MSH4: variants seen among roughly 807,000 people sequenced by gnomAD.
MSH4 encodes mutS homolog 4.
Under a neutral mutation model 113.7 loss-of-function variants are expected in MSH4, and 106 were observed. The ratio of observed to expected loss-of-function variants is 0.93; its 90% CI spans 0.80 to 1.10. The LOEUF is 1.10. MSH4 is among the 50% of genes least tolerant of loss of function. The pLI is 0.00. For synonymous variants in MSH4, 368 were observed against 380.2 expected, an observed-to-expected ratio of 0.97 and a Z score of 0.37; for missense variants, 1,061 against 1,093.7, an observed-to-expected ratio of 0.97 and a Z score of 0.42.
chr1:75,892,982 C>T (rs538289972), intron 17 of MSH4, among the ~76,000 whole-genome samples: 2 of 152,264 alleles, frequency 1.3e-5, no homozygotes, highest in Admixed American at 1.3e-4. Flanking sequence ...CAAACAAGCA[C>T]ACCAGGGTTA....
In MSH4 at chr1:75,832,799, G is replaced by T. The variant is rs572211590; in HGVS notation, c.1162+10218G>T. Among the ~76,000 whole-genome samples, 229 of 152,106 alleles carry T rather than the reference G, an allele frequency of 1.5e-3. 1 individual carries two copies. Among genetic ancestry groups the T allele is most frequent in the Non-Finnish European group, 4.4e-4 (30 of 67,994 alleles). The stretch of plus-strand genomic sequence containing the variant: ...TGGAACGTATCTCAAAATAATAATA[G>T]CTATTTATGACACACCCACAGCCAA... On this transcript the variant is annotated intron_variant, in intron 7 of 19. Coordinates refer to ENST00000263187, the MANE Select transcript of MSH4 (RefSeq NM_002440.4).
Position 75,912,937 on chromosome 1 carries a change from A to AC in MSH4, c.*50_*51insC. ...TCTTAATTCAAGGAACCTAGAATTT[A>AC]TTTTTCTCCTTAGAGATAAGGAAAA... On this transcript the variant is annotated 3_prime_UTR_variant, in exon 20 of 20. Transcript: ENST00000263187. 8.3e-7 allele frequency: 1 copy of AC among 1,201,866 alleles called. No homozygotes were observed. Among genetic ancestry groups the AC allele is most frequent in the African/African-American group, 1.6e-5 (1 of 62,804 alleles). The allele number at this position is 1,201,866 out of a possible 1,614,324, so 74.5% of individuals were successfully genotyped here. A position where few individuals can be genotyped will look rare whatever the true frequency, so the allele number is the denominator to read the frequency against.
intron 8 of MSH4, among the ~76,000 whole-genome samples, chr1:75,865,829 A>G (rs927075088): frequency 6.6e-6 from 1 of 152,178 alleles, no homozygotes; most frequent in Non-Finnish European, 1.5e-5. Context: ...TTTACCTTTT[A>G]TACTTAGATA....
At chr1:75,879,437 A>C (rs1220101995) in intron 12 of MSH4, among the ~76,000 whole-genome samples, 1 of 152,216 alleles carries the variant, frequency 6.6e-6, no homozygotes, top group African/African-American at 2.4e-5. Context: ...TTGCCTGTTA[A>C]AGGTTTAAAA....
intron 3 of MSH4, among the ~76,000 whole-genome samples, chr1:75,808,491 C>T: frequency 6.6e-6 from 1 of 152,220 alleles, no homozygotes; most frequent in South Asian, 2.1e-4. Context: ...TTTAAAAATG[C>T]AAATCAATGT....
intron 7 of MSH4, among the ~76,000 whole-genome samples, chr1:75,823,645 G>A (rs1650479980): frequency 6.6e-6 from 1 of 152,054 alleles, no homozygotes; most frequent in Admixed American, 6.6e-5. Context: ...CCCACTGACA[G>A]GCCCCAGTGT....
At chr1:75,810,953 C>A (rs1298446735) in intron 4 of MSH4, 146 bp downstream of exon 4, 1 of 388,510 alleles carries the variant, frequency 2.6e-6, no homozygotes, top group East Asian at 4.7e-5. Context: ...CTTACTGCAA[C>A]CTCCAGCTCC....
chr1:75,896,167 C>G (rs1652374781), intron 17 of MSH4, among the ~76,000 whole-genome samples: 1 of 152,118 alleles, frequency 6.6e-6, no homozygotes, highest in Admixed American at 6.6e-5. Context: ...GACTAAATTG[C>G]CTTCAGACTC....
At chr1:75,896,455 A>AT (rs1014229708) in intron 17 of MSH4, among the ~76,000 whole-genome samples, 11 of 141,646 alleles carry the variant, frequency 7.8e-5, no homozygotes, top group South Asian at 4.5e-4. Flanking sequence ...CTTTTTTTTA[A>AT]TTTTTTTTTG....
intron 4 of MSH4, among the ~76,000 whole-genome samples, 164 bp from the exon 5 acceptor site, chr1:75,814,857 G>A (rs1279792572): frequency 6.6e-6 from 1 of 152,010 alleles, no homozygotes; most frequent in Non-Finnish European, 1.5e-5. Flanking sequence ...CACTTAGCAA[G>A]AATAATCATT....
At chr1:75,901,359 C>T (rs1652502364) in intron 19 of MSH4, among the ~76,000 whole-genome samples, 1 of 152,096 alleles carries the variant, frequency 6.6e-6, no homozygotes, top group South Asian at 2.1e-4. Flanking sequence ...GAGCTCTTCA[C>T]CTCCATGAGA....
intron 8 of MSH4, among the ~76,000 whole-genome samples, chr1:75,861,049 G>A (rs1417482322): frequency 4.6e-5 from 7 of 151,890 alleles, no homozygotes; most frequent in East Asian, 3.9e-4. Flanking sequence ...TCACTTGATC[G>A]AATCAGCTAT....
At chr1:75,902,149 CACA>C (rs1486720446) in intron 19 of MSH4, among the ~76,000 whole-genome samples, 1 of 152,072 alleles carries the variant, frequency 6.6e-6, no homozygotes, top group Non-Finnish European at 1.5e-5. Flanking sequence ...GGCCCCTTTT[CACA>C]ACAACTATGA....
chr1:75,878,863 A>G, intron 11 of MSH4, 129 bp from the exon 12 acceptor site: 5 of 805,770 alleles, frequency 6.2e-6, no homozygotes, highest in Non-Finnish European at 9.4e-6. Flanking sequence ...TTGAAAGAGC[A>G]ACAAGACCTC....
intron 9 of MSH4, 87 bp from the exon 10 acceptor site, chr1:75,876,849 T>C (rs1216638968): frequency 3.1e-6 from 2 of 653,080 alleles, no homozygotes; most frequent in Non-Finnish European, 2.4e-6. Context: ...CTTGGTAAAC[T>C]ATAAAGTATT....
chr1:75,862,229 C>G (rs1370770071), intron 8 of MSH4, among the ~76,000 whole-genome samples: 1 of 152,198 alleles, frequency 6.6e-6, no homozygotes, highest in Non-Finnish European at 1.5e-5. Flanking sequence ...CCCCCCACCC[C>G]TTGTGCTTTC....
At chr1:75,832,203 C>CTCTA (rs1650710701) in intron 7 of MSH4, among the ~76,000 whole-genome samples, 1 of 152,088 alleles carries the variant, frequency 6.6e-6, no homozygotes, top group Non-Finnish European at 1.5e-5. Context: ...GGATAAATTC[C>CTCTA]CGGAGACATA....
rs1290668510 is a variant in MSH4 at position 75,856,977 on chromosome 1, A to G, written c.1230+8701A>G. Among the ~76,000 whole-genome samples the G allele has an allele frequency of 3.3e-5, 5 of 152,208 alleles. No individual in the cohort carries two copies. In the East Asian group the frequency reaches 5.8e-4, roughly 18 times the overall value. ...GTTTCCTGACTTTTTAATGATCGCC[A>G]TTCTAACTGGCATGTGATGGTATCT... On this transcript the variant is annotated intron_variant, in intron 8 of 19. Coordinates refer to ENST00000263187, the MANE Select transcript of MSH4 (RefSeq NM_002440.4).
chr1:75,906,649 C>T (rs1652663073), intron 19 of MSH4, among the ~76,000 whole-genome samples: 1 of 133,928 alleles, frequency 7.5e-6, no homozygotes, highest in African/African-American at 2.9e-5. Flanking sequence ...TTATTTTAAA[C>T]AGATAACTAC....
Sources: gnomAD v4.1 joint callset for allele counts (sites outside exome capture counted in the v4.1 genomes callset) on GRCh38, gnomAD v4.1.1 for gene constraint, MANE v1.5 for transcripts, NCBI Gene and HGNC (gene_info 2026-07-23, HGNC 2026-07-21) for gene names.